Variants in HLCS observed in about 807,000 individuals in gnomAD.
HLCS encodes holocarboxylase synthetase.
HLCS carries 53 observed loss-of-function variants against 75.0 expected under a neutral mutation model. The ratio of observed to expected loss-of-function variants is 0.71; its 90% confidence interval spans 0.57 to 0.89. The LOEUF (loss-of-function observed/expected upper bound fraction) is 0.89. Ranked by LOEUF, HLCS falls within the 40% of genes least tolerant of loss-of-function variation. The pLI is 0.00. For missense variants in HLCS, 966 were observed against 1,074.0 expected (o/e 0.90, Z 1.41); for synonymous variants, 431 against 428.6 (o/e 1.01, Z -0.07).
At chr21:36,955,506 A>G (rs897317089) in intron 2 of HLCS, among the ~76,000 whole-genome samples, 2 of 148,708 alleles carry the variant, frequency 1.3e-5, no homozygotes, top group Admixed American at 6.8e-5. Context: ...ATAAAATCTT[A>G]GAAAAAAGCT....
intron 2 of HLCS, among the ~76,000 whole-genome samples, chr21:36,959,155 C>G (rs992020181): frequency 1.3e-5 from 2 of 152,246 alleles, no homozygotes; most frequent in African/African-American, 4.8e-5. Flanking sequence ...CCCCGCTTCC[C>G]CACAGGCTTG....
At chr21:36,891,050 A>G (rs1165381254) in intron 6 of HLCS, among the ~76,000 whole-genome samples, 1 of 152,212 alleles carries the variant, frequency 6.6e-6, no homozygotes, top group Non-Finnish European at 1.5e-5. Context: ...GTTGCCTACT[A>G]TAAAGACCAC....
At chr21:36,831,683 T>C (rs1047811666) in intron 6 of HLCS, among the ~76,000 whole-genome samples, 1 of 152,144 alleles carries the variant, frequency 6.6e-6, no homozygotes, top group African/African-American at 2.4e-5. Flanking sequence ...ACTCCAACTC[T>C]AAAACAATAA....
At chr21:36,983,151 C>A (rs542464549) in intron 1 of HLCS, among the ~76,000 whole-genome samples, 3 of 152,274 alleles carry the variant, frequency 2.0e-5, no homozygotes, top group Admixed American at 2.0e-4. Flanking sequence ...CAGAATCTAC[C>A]GCTCTTGCCT....
At chr21:36,825,627 G>C (rs2061983380) in intron 6 of HLCS, among the ~76,000 whole-genome samples, 1 of 152,122 alleles carries the variant, frequency 6.6e-6, no homozygotes, top group African/African-American at 2.4e-5. Flanking sequence ...TTTATCCCCA[G>C]GTCACCCCCG....
chr21:36,755,320 G>T (rs998660224), intron 10 of HLCS, among the ~76,000 whole-genome samples: 2 of 151,650 alleles, frequency 1.3e-5, no homozygotes, highest in Admixed American at 1.3e-4. Context: ...AGGATCATTT[G>T]AGCCCGGGAG....
intron 6 of HLCS, among the ~76,000 whole-genome samples, chr21:36,777,693 C>T (rs1422620472): frequency 2.6e-5 from 4 of 152,158 alleles, no homozygotes; most frequent in South Asian, 2.1e-4. Context: ...CAGATACCCC[C>T]GTTATAAGAC....
At chr21:36,911,935 G>A (rs1035885605) in intron 5 of HLCS, among the ~76,000 whole-genome samples, 1 of 151,756 alleles carries the variant, frequency 6.6e-6, no homozygotes, top group Non-Finnish European at 1.5e-5. Context: ...GCCAGGCGTG[G>A]TGGTGAGCAC....
intron 6 of HLCS, among the ~76,000 whole-genome samples, chr21:36,795,101 T>C (rs1255995716): frequency 6.6e-6 from 1 of 152,126 alleles, no homozygotes; most frequent in African/African-American, 2.4e-5. Flanking sequence ...GCGAATGAGT[T>C]GGGCTGGAGA....
chr21:36,960,250 G>A (rs1290802632), intron 2 of HLCS, among the ~76,000 whole-genome samples: 4 of 151,684 alleles, frequency 2.6e-5, no homozygotes, highest in African/African-American at 9.7e-5. Context: ...CAGCCTGCCA[G>A]GCCAAGTGGG....
intron 1 of HLCS, among the ~76,000 whole-genome samples, chr21:36,963,941 G>A (rs1043873703): frequency 2.6e-5 from 4 of 152,122 alleles, no homozygotes; most frequent in Non-Finnish European, 5.9e-5. Flanking sequence ...ATGAGAACAC[G>A]CCAGGCTTGG....
intron 6 of HLCS, among the ~76,000 whole-genome samples, chr21:36,789,956 C>G (rs1275106327): frequency 6.6e-6 from 1 of 152,138 alleles, no homozygotes; most frequent in East Asian, 1.9e-4. Context: ...GAAGTGGTAT[C>G]AATGGGTCAA....
At chr21:36,906,062 A>AAC (rs1409752973) in intron 5 of HLCS, among the ~76,000 whole-genome samples, 4 of 151,502 alleles carry the variant, frequency 2.6e-5, no homozygotes, top group African/African-American at 4.9e-5. Flanking sequence ...AAAAAAAAAA[A>AAC]AACAAAACAA....
intron 6 of HLCS, among the ~76,000 whole-genome samples, chr21:36,888,613 C>T (rs1353114771): frequency 2.0e-5 from 3 of 151,290 alleles, no homozygotes; most frequent in African/African-American, 7.3e-5. Context: ...ACAAAACTAG[C>T]TCAGCAACCT....
chr21:36,956,416 A>T (rs2067948980), intron 2 of HLCS, among the ~76,000 whole-genome samples: 1 of 152,208 alleles, frequency 6.6e-6, no homozygotes, highest in African/African-American at 2.4e-5. Flanking sequence ...CCTAAAATGA[A>T]ATGAAATATT....
chr21:36,802,988 C>T (rs1048478291), intron 6 of HLCS, among the ~76,000 whole-genome samples: 2 of 141,946 alleles, frequency 1.4e-5, no homozygotes, highest in African/African-American at 5.3e-5. Flanking sequence ...ATGATTAAAT[C>T]AAAATTATGG....
chr21:36,776,599 G>C (rs1335449267), intron 6 of HLCS, among the ~76,000 whole-genome samples: 1 of 152,106 alleles, frequency 6.6e-6, no homozygotes, highest in African/African-American at 2.4e-5. Flanking sequence ...ATTTTTAGTA[G>C]AGATGGGGTT....
chr21:36,844,614 T>C (rs75473182), intron 6 of HLCS, among the ~76,000 whole-genome samples: 1,604 of 152,178 alleles, frequency 0.011, 35 homozygotes, highest in African/African-American at 0.037. Flanking sequence ...TGTGCTTGTA[T>C]GTGTGAACAT....
At chr21:36,984,227 C>T (rs528081523) in intron 1 of HLCS, among the ~76,000 whole-genome samples, 857 of 22,314 alleles carry the variant, frequency 0.038, 5 homozygotes, top group African/African-American at 0.058. Flanking sequence ...CCCTTATCCA[C>T]AAGGGTATGT....
Sources: gnomAD v4.1 joint callset for allele counts (sites outside exome capture counted in the v4.1 genomes callset) on GRCh38, gnomAD v4.1.1 for gene constraint, MANE v1.5 for transcripts, NCBI Gene and HGNC (gene_info 2026-07-23, HGNC 2026-07-21) for gene names.